The following XRN2 variants were observed in gnomAD, a reference collection of about 807,000 sequenced individuals.
XRN2 encodes DHM1-like protein.
In XRN2, 44 loss-of-function variants were observed where a neutral mutation model predicts 138.5. The ratio of observed to expected loss-of-function variants is 0.32; its 90% CI spans 0.25 to 0.41. The LOEUF (loss-of-function observed/expected upper bound fraction) is 0.41. Ranked by LOEUF, XRN2 falls within the 10% of genes least tolerant of loss-of-function variation. The pLI is 1.00. For synonymous variants in XRN2, 354 were observed against 369.4 expected (o/e 0.96, Z 0.48); for missense variants, 937 against 1,169.3 (o/e 0.80, Z 2.90).
chr20:21,311,226 C>T (rs1410451594), intron 1 of XRN2, among the ~76,000 whole-genome samples: 1 of 152,190 alleles, frequency 6.6e-6, no homozygotes, highest in African/African-American at 2.4e-5. Flanking sequence ...TTTATCATCC[C>T]AAACAGAAAC....
intron 1 of XRN2, among the ~76,000 whole-genome samples, chr20:21,312,929 A>G (rs942097638): frequency 6.6e-6 from 1 of 152,154 alleles, no homozygotes; most frequent in Admixed American, 6.5e-5. Context: ...ACACAGTTCA[A>G]TTGAGCAATG....
chr20:21,333,884 G>T, intron 11 of XRN2, 47 bp downstream of exon 11: 1 of 1,614,072 alleles, frequency 6.2e-7, no homozygotes, highest in Non-Finnish European at 8.5e-7. Context: ...TAGGCTTCTT[G>T]ACTTTACTGT....
chr20:21,351,542 A>G (rs2038510326), intron 20 of XRN2, among the ~76,000 whole-genome samples: 1 of 152,178 alleles, frequency 6.6e-6, no homozygotes, highest in African/African-American at 2.4e-5. Flanking sequence ...TCTGTGGATT[A>G]TCTTTTCACC....
chr20:21,359,272 C>T (rs980173861), intron 24 of XRN2, among the ~76,000 whole-genome samples: 42 of 152,128 alleles, frequency 2.8e-4, no homozygotes, highest in African/African-American at 9.2e-4. Flanking sequence ...TGGCTCACAC[C>T]TGTAATCCCA....
intron 17 of XRN2, among the ~76,000 whole-genome samples, chr20:21,347,269 T>C (rs892883127): frequency 5.3e-5 from 8 of 152,360 alleles, no homozygotes; most frequent in African/African-American, 1.9e-4. Flanking sequence ...GCTACGCTTT[T>C]CATAATATAG....
chr20:21,307,343 A>G lies in XRN2; in HGVS notation c.75+3870A>G, dbSNP rs1333806013. ...CTTCGGTTTTAGGGAATGCTGTTTG[A>G]TGATTTCTTGACCTTTTTTTCTTCC... On this transcript the variant is annotated intron_variant, in intron 1 of 29. Coordinates refer to ENST00000377191, the MANE Select transcript of XRN2 (RefSeq NM_012255.5). Among the ~76,000 whole-genome samples the G allele has an allele frequency of 3.9e-5, 3 of 75,964 alleles. 1 individual carries two copies. The highest frequency in any genetic ancestry group is 9.3e-5 in the Non-Finnish European group (3 of 32,340). 49.8% of individuals were successfully genotyped at this position (75,964 alleles called of 152,430 possible).
chr20:21,347,355 A>G (rs2038449371), intron 17 of XRN2, among the ~76,000 whole-genome samples: 1 of 152,196 alleles, frequency 6.6e-6, no homozygotes, highest in African/African-American at 2.4e-5. Flanking sequence ...CAGATTGGTG[A>G]GAGATTAGGT....
At chr20:21,303,561 G>A in intron 1 of XRN2, 88 bp downstream of exon 1, 1 of 1,419,668 alleles carries the variant, frequency 7.0e-7, no homozygotes. Flanking sequence ...GCCTGCCCCC[G>A]GGGAGCCTTG....
At chr20:21,369,955 C>A (rs1028381322) in intron 27 of XRN2, among the ~76,000 whole-genome samples, 8 of 152,100 alleles carry the variant, frequency 5.3e-5, no homozygotes, top group African/African-American at 1.9e-4. Flanking sequence ...AAACCAATAT[C>A]CTAAAGATTT....
At chr20:21,323,095 C>T (rs2038069963) in intron 1 of XRN2, among the ~76,000 whole-genome samples, 1 of 152,234 alleles carries the variant, frequency 6.6e-6, no homozygotes, top group Non-Finnish European at 1.5e-5. Flanking sequence ...ATGAATCATC[C>T]AGAAGCTGTC....
intron 28 of XRN2, among the ~76,000 whole-genome samples, chr20:21,385,141 A>T (rs769841686): frequency 1.3e-5 from 2 of 152,218 alleles, no homozygotes; most frequent in Admixed American, 1.3e-4. Context: ...AACATAAAAT[A>T]GTTTTGAATT....
intron 23 of XRN2, 149 bp downstream of exon 23, chr20:21,356,814 G>C: frequency 1.4e-6 from 1 of 711,936 alleles, no homozygotes; most frequent in Non-Finnish European, 2.3e-6. Context: ...AAATGCTTGG[G>C]TTCAAAGCCT....
At chr20:21,330,827 G>GCTTTTCTTTCTTCCAAC in intron 6 of XRN2, 122 bp downstream of exon 6, 1 of 945,622 alleles carries the variant, frequency 1.1e-6, no homozygotes, top group Non-Finnish European at 1.5e-6. Flanking sequence ...ACTGTTGGAA[G>GCTTTTCTTTCTTCCAAC]AAAGAAAAGC....
chr20:21,343,127 C>T (rs555409703), intron 15 of XRN2, among the ~76,000 whole-genome samples: 1 of 152,118 alleles, frequency 6.6e-6, no homozygotes, highest in Non-Finnish European at 1.5e-5. Flanking sequence ...TCTGTGCTCT[C>T]AGTTTAAAAA....
At chr20:21,308,170 C>G (rs1252334188) in intron 1 of XRN2, among the ~76,000 whole-genome samples, 1 of 151,290 alleles carries the variant, frequency 6.6e-6, no homozygotes, top group African/African-American at 2.4e-5. Context: ...CTCCTGACCT[C>G]AAGTATCTGC....
chr20:21,332,005 T>C (rs1366547503), intron 8 of XRN2, among the ~76,000 whole-genome samples, 187 bp downstream of exon 8: 1 of 152,226 alleles, frequency 6.6e-6, no homozygotes, highest in African/African-American at 2.4e-5. Context: ...ATTTCTTTTC[T>C]TCTTTCTTAC....
chr20:21,340,658 TTTC>T, intron 14 of XRN2, 60 bp from the exon 15 acceptor site: 1 of 1,570,618 alleles, frequency 6.4e-7, no homozygotes, highest in Non-Finnish European at 8.7e-7. Context: ...CCTTCTTTCC[TTTC>T]TGTCATCTAA....
At chr20:21,388,574 A>G (rs1021055670) in intron 29 of XRN2, among the ~76,000 whole-genome samples, 1 of 152,174 alleles carries the variant, frequency 6.6e-6, no homozygotes, top group Non-Finnish European at 1.5e-5. Context: ...GAGTCTGCAC[A>G]TGTTCATGTT....
At chr20:21,379,542 CTG>C (rs2038860359) in intron 27 of XRN2, among the ~76,000 whole-genome samples, 1 of 152,028 alleles carries the variant, frequency 6.6e-6, no homozygotes, top group Admixed American at 6.5e-5. Context: ...TAACAAAAAA[CTG>C]TAATTTTTGT....
Sources: gnomAD v4.1 joint callset for allele counts (sites outside exome capture counted in the v4.1 genomes callset) on GRCh38, gnomAD v4.1.1 for gene constraint, MANE v1.5 for transcripts, NCBI Gene and HGNC (gene_info 2026-07-23, HGNC 2026-07-21) for gene names.